Variants in ZNF516 observed in about 807,000 individuals in gnomAD.
ZNF516 encodes the protein zinc finger protein 516.
In ZNF516, 19 loss-of-function variants were observed where a neutral mutation model predicts 79.7. The observed-to-expected ratio is 0.24, with a 90% CI of 0.17 to 0.35. The LOEUF (loss-of-function observed/expected upper bound fraction) is 0.35, where lower values mean the gene tolerates loss of function less well. ZNF516 is among the 10% of genes least tolerant of loss of function. The pLI is 1.00. For synonymous variants in ZNF516, 877 were observed against 739.5 expected (o/e 1.19, Z -3.02); for missense variants, 1,678 against 1,679.5 (o/e 1.00, Z 0.02).
chr18:76,397,756 C>T (rs1364725894), intron 3 of ZNF516, among the ~76,000 whole-genome samples: 2 of 152,160 alleles, frequency 1.3e-5, no homozygotes, highest in Non-Finnish European at 2.9e-5. Context: ...TGCTACCATG[C>T]TTGGCTACTT....
Position 76,473,777 on chromosome 18 carries a change from A to G in ZNF516, c.-271-10636T>C, listed in dbSNP as rs1335892913. ...GATTGCACCACTGCACTCCAGCCTGAGCAACAGGGTGAGACTCCATCTCCA... is the reference window on the plus strand; with the variant it reads ...GATTGCACCACTGCACTCCAGCCTGGGCAACAGGGTGAGACTCCATCTCCA... On this transcript the variant is annotated intron_variant, in intron 1 of 6. Coordinates refer to ENST00000443185, the MANE Select transcript of ZNF516 (RefSeq NM_014643.4). Among the ~76,000 whole-genome samples, 13 of 151,498 alleles carry G rather than the reference A, an allele frequency of 8.6e-5. 1 individual carries two copies. The South Asian group carries it at 2.1e-3, about 24-fold the overall frequency.
intron 1 of ZNF516, chr18:76,491,688 A>G: frequency 8.6e-6 from 2 of 233,132 alleles, no homozygotes; most frequent in Non-Finnish European, 1.3e-5. Flanking sequence ...CGGGGCGGGC[A>G]GGTGAGTCCC....
At chr18:76,401,833 A>ACCACCAACCACAGCCCCGCGCCGCACCCC (rs1568261928) in intron 3 of ZNF516, among the ~76,000 whole-genome samples, 4 of 36,092 alleles carry the variant, frequency 1.1e-4, no homozygotes, top group African/African-American at 2.3e-4. Context: ...CCCGCGCTCC[A>ACCACCAACCACAGCCCCGCGCCGCACCCC]TCTCTCCACC....
chr18:76,410,401 A>G (rs949470253), intron 3 of ZNF516, among the ~76,000 whole-genome samples: 1 of 152,228 alleles, frequency 6.6e-6, no homozygotes, highest in African/African-American at 2.4e-5. Context: ...CTTTCAGCAC[A>G]AAGAAAACAG....
At chr18:76,427,055 G>A (rs192239988) in intron 3 of ZNF516, among the ~76,000 whole-genome samples, 171 of 152,362 alleles carry the variant, frequency 1.1e-3, no homozygotes, top group Admixed American at 4.0e-3. Flanking sequence ...GTGAGGATCA[G>A]GGTGGAGACA....
At chr18:76,431,173 G>A (rs2075655462) in intron 3 of ZNF516, among the ~76,000 whole-genome samples, 1 of 152,008 alleles carries the variant, frequency 6.6e-6, no homozygotes, top group Non-Finnish European at 1.5e-5. Context: ...CCAGCACACA[G>A]AAAATTATCT....
rs752063627 is a variant in ZNF516, at chr18:76,441,269, C to G, written c.1786G>C (p.Glu596Gln). 6.2e-7 allele frequency: 1 copy of G among 1,610,778 alleles called. No homozygotes were observed. Among genetic ancestry groups the G allele is most frequent in the Non-Finnish European group, 8.5e-7 (1 of 1,179,294 alleles). The change falls in exon 3 of 7, where the codon GAG becomes CAG. Residue 596 changes from glutamate to glutamine, a missense_variant. Around this residue, in one of 5 missense-constraint regions of ZNF516, gnomAD observed 1,294 missense variants for 1,248.3 expected, o/e 1.04. Coordinates refer to ENST00000443185, the MANE Select transcript of ZNF516 (RefSeq NM_014643.4). Reference protein sequence around the residue: ...ADEAAEDSGEEGAPEPAPGGQ... With the variant: ...ADEAAEDSGEQGAPEPAPGGQ... ...CCTGGTGCAGGTTCAGGGGCGCCCTCCTCACCACTGTCTTCGGCAGCCTCG... is the reference window on the plus strand; with the variant it reads ...CCTGGTGCAGGTTCAGGGGCGCCCTGCTCACCACTGTCTTCGGCAGCCTCG...
Position 76,441,722 on chromosome 18 carries a change from C to A in ZNF516, c.1333G>T (p.Gly445Trp). 8 of 1,573,366 alleles carry A rather than the reference C, an allele frequency of 5.1e-6. No individual in the cohort carries two copies. The highest frequency in any genetic ancestry group is 1.3e-5 in the African/African-American group (1 of 74,158). Residue 445 changes from glycine to tryptophan, a missense_variant, in exon 3 of 7, where the codon GGG becomes TGG. Gly to Trp is a radical substitution (Grantham distance 184, BLOSUM62 -2). Coordinates refer to ENST00000443185, the MANE Select transcript of ZNF516 (RefSeq NM_014643.4). ...KYGAWDEALA[G>W]DVAFDKDRRE... Reference sequence around the variant, plus strand: ...CTGTCCTTGTCGAAGGCCACGTCCCCGGCCAGCGCCTCGTCCCAGGCCCCG... The same window carrying A: ...CTGTCCTTGTCGAAGGCCACGTCCCAGGCCAGCGCCTCGTCCCAGGCCCCG...
chr18:76,490,561 TAAGCTGGAA>T (rs1342757785), intron 1 of ZNF516: 1 of 176,564 alleles, frequency 5.7e-6, no homozygotes. Flanking sequence ...GTTTTTAAAA[TAAGCTGGAA>T]AAGCTCCTTT....
chr18:76,400,084 C>G (rs543986390), intron 3 of ZNF516, among the ~76,000 whole-genome samples: 1 of 152,182 alleles, frequency 6.6e-6, no homozygotes, highest in Non-Finnish European at 1.5e-5. Context: ...GCACACGCCC[C>G]CACTTTAGCA....
chr18:76,371,047 A>C (rs772115422), intron 5 of ZNF516, among the ~76,000 whole-genome samples: 1 of 152,312 alleles, frequency 6.6e-6, no homozygotes, highest in East Asian at 1.9e-4. Flanking sequence ...TTTGCAGTAC[A>C]TCCTGCATGG....
rs112449666 is a variant in ZNF516, at chr18:76,403,994, T to C, written c.1811-23691A>G. On this transcript the variant is annotated intron_variant, in intron 3 of 6. Coordinates refer to ENST00000443185, the MANE Select transcript of ZNF516 (RefSeq NM_014643.4). ...ACCACCACTCCCTGTGGCCCCCACGTGGGTACCAGAGCAGCAGCGGACAGG... is the reference window on the plus strand; with the variant it reads ...ACCACCACTCCCTGTGGCCCCCACGCGGGTACCAGAGCAGCAGCGGACAGG... Among the ~76,000 whole-genome samples the C allele has an allele frequency of 9.4e-3, 1,433 of 152,324 alleles. 22 individuals are homozygous for C. The highest frequency in any genetic ancestry group is 0.032 in the African/African-American group (1,327 of 41,566).
chr18:76,381,530 C>T (rs918557331), intron 3 of ZNF516, among the ~76,000 whole-genome samples: 2 of 152,172 alleles, frequency 1.3e-5, no homozygotes, highest in Non-Finnish European at 2.9e-5. Flanking sequence ...TTAAAATGTT[C>T]TAAGTGTATA....
At chr18:76,398,204 G>A (rs1324481483) in intron 3 of ZNF516, among the ~76,000 whole-genome samples, 1 of 152,200 alleles carries the variant, frequency 6.6e-6, no homozygotes, top group Non-Finnish European at 1.5e-5. Flanking sequence ...TCGAATTCAA[G>A]TTGGCTTTCA....
intron 2 of ZNF516, among the ~76,000 whole-genome samples, chr18:76,455,882 A>G (rs1302393015): frequency 2.6e-5 from 4 of 152,186 alleles, no homozygotes; most frequent in Non-Finnish European, 5.9e-5. Flanking sequence ...AAATGACTCC[A>G]AAGTGTGCTT....
rs747706680 is a variant in ZNF516 at position 76,380,045 on chromosome 18, C to T, written c.2069G>A (p.Gly690Asp). The T allele has an allele frequency of 6.2e-7, 1 of 1,613,968 alleles. No individual in the cohort carries two copies. Among genetic ancestry groups the T allele is most frequent in the South Asian group, 1.1e-5 (1 of 91,082 alleles). The change falls in exon 4 of 7, where the codon GGT becomes GAT. Residue 690 changes from glycine to aspartate, a missense_variant. Physicochemically the swap from Gly to Asp is moderately conservative, Grantham distance 94 (BLOSUM62 -1). This residue lies in a region of ZNF516 where 1,294 missense variants were observed against 1,248.3 expected (regional missense o/e 1.04). Coordinates refer to ENST00000443185, the MANE Select transcript of ZNF516 (RefSeq NM_014643.4). ...PKQEVPVPGD[G>D]VEFPSSTGAE... The stretch of plus-strand genomic sequence containing the variant: ...TCCCGTACTGGAAGGGAACTCCACA[C>T]CATCACCAGGGACGGGCACCTCCTG...
chr18:76,391,672 T>A (rs1356754150), intron 3 of ZNF516, among the ~76,000 whole-genome samples: 1 of 152,214 alleles, frequency 6.6e-6, no homozygotes, highest in Non-Finnish European at 1.5e-5. Context: ...GGCATCCTGG[T>A]AGCCTGGGCA....
chr18:76,378,159 G>C (rs900302963), intron 4 of ZNF516: 2 of 152,244 alleles, frequency 1.3e-5, no homozygotes, highest in Non-Finnish European at 2.9e-5. Flanking sequence ...TTCCAGAACG[G>C]GGCACCGCAT....
chr18:76,465,019 G>A (rs372545498), intron 1 of ZNF516, among the ~76,000 whole-genome samples: 2 of 152,170 alleles, frequency 1.3e-5, no homozygotes, highest in Admixed American at 6.5e-5. Context: ...AGGCAACCTC[G>A]AGGGGAGCCG....
Sources: allele counts gnomAD v4.1 joint callset (sites outside exome capture counted in the v4.1 genomes callset), GRCh38; gene constraint gnomAD v4.1.1; regional missense constraint gnomAD v4.1.1; transcripts MANE v1.5; gene names NCBI Gene and HGNC (gene_info 2026-07-23, HGNC 2026-07-21).